The following JAZF1 variants were observed in gnomAD, a reference collection of about 807,000 sequenced individuals.
JAZF1 encodes juxtaposed with another zinc finger protein 1.
JAZF1 carries 8 observed loss-of-function variants against 26.4 expected under a neutral mutation model. The observed-to-expected ratio is 0.30, with a 90% CI of 0.18 to 0.55. The LOEUF is 0.55. JAZF1 is among the 20% of genes least tolerant of loss of function. The pLI is 0.94. For synonymous variants in JAZF1, 126 were observed against 122.3 expected (o/e 1.03, Z -0.20); for missense variants, 199 against 322.0 (o/e 0.62, Z 2.92).
chr7:28,124,905 G>A (rs1562595704), intron 1 of JAZF1, among the ~76,000 whole-genome samples: 1 of 152,150 alleles, frequency 6.6e-6, no homozygotes, highest in Non-Finnish European at 1.5e-5. Context: ...CATTACAGTA[G>A]CTAAAAAATA....
At chr7:27,914,426 G>A (rs1436582207) in intron 2 of JAZF1, among the ~76,000 whole-genome samples, 1 of 152,156 alleles carries the variant, frequency 6.6e-6, no homozygotes, top group African/African-American at 2.4e-5. Context: ...TGTATGGTTG[G>A]GCCGGGGGCT....
chr7:28,016,576 G>A (rs1239882423), intron 1 of JAZF1, among the ~76,000 whole-genome samples: 1 of 152,154 alleles, frequency 6.6e-6, no homozygotes, highest in African/African-American at 2.4e-5. Flanking sequence ...GGCATTGTTT[G>A]TGAGTTCAAG....
chr7:27,835,510 T>C (rs1050296706), intron 4 of JAZF1, among the ~76,000 whole-genome samples: 8 of 152,182 alleles, frequency 5.3e-5, no homozygotes. Flanking sequence ...ATCAGCTTTA[T>C]GACTCTGGAA....
intron 3 of JAZF1, among the ~76,000 whole-genome samples, chr7:27,880,465 T>A (rs1350318021): frequency 1.3e-5 from 2 of 152,010 alleles, no homozygotes; most frequent in Non-Finnish European, 2.9e-5. Flanking sequence ...AAACCGTGTC[T>A]CTACTAAAAA....
At chr7:28,148,473 C>T (rs1193268558) in intron 1 of JAZF1, among the ~76,000 whole-genome samples, 5 of 152,210 alleles carry the variant, frequency 3.3e-5, no homozygotes, top group Non-Finnish European at 5.9e-5. Flanking sequence ...CATCATTACT[C>T]ACTTAGGATA....
chr7:27,984,849 G>C lies in JAZF1; in HGVS notation c.188+7060C>G, dbSNP rs185790214. ...GAAACTGAACAATCTGCTCCTAAAT[G>C]ACTACTGGGTACACAACAAAATGAA... On this transcript the variant is annotated intron_variant, in intron 2 of 4. Transcript: ENST00000283928. Among the ~76,000 whole-genome samples, 105 of 152,284 alleles carry C rather than the reference G, an allele frequency of 6.9e-4. 1 individual carries two copies. The highest frequency in any genetic ancestry group is 3.4e-3 in the Middle Eastern group (1 of 294).
intron 2 of JAZF1, among the ~76,000 whole-genome samples, chr7:27,918,824 A>AG (rs1455918340): frequency 6.6e-6 from 1 of 151,994 alleles, no homozygotes; most frequent in Admixed American, 6.5e-5. Flanking sequence ...TGGTGATAAG[A>AG]GAAAAAAAAA....
chr7:27,841,070 G>C (rs1782914599), intron 3 of JAZF1: 2 of 549,912 alleles, frequency 3.6e-6, no homozygotes, highest in East Asian at 6.0e-5. Context: ...CCACCTAAGA[G>C]ACCAGGGCAA....
At chr7:28,117,316 G>A (rs1784762685) in intron 1 of JAZF1, among the ~76,000 whole-genome samples, 1 of 152,050 alleles carries the variant, frequency 6.6e-6, no homozygotes, top group Non-Finnish European at 1.5e-5. Flanking sequence ...ATAAAGGAAT[G>A]TCTTCCAGTT....
intron 2 of JAZF1, among the ~76,000 whole-genome samples, chr7:27,906,269 C>T (rs1179341409): frequency 6.6e-6 from 1 of 152,130 alleles, no homozygotes; most frequent in Admixed American, 6.5e-5. Flanking sequence ...CGTTCCCTGG[C>T]CCCACATGCC....
intron 1 of JAZF1, among the ~76,000 whole-genome samples, chr7:28,106,096 C>T (rs563398625): frequency 2.8e-4 from 43 of 152,288 alleles, no homozygotes; most frequent in African/African-American, 9.4e-4. Flanking sequence ...ACTGTGAATG[C>T]TGTCTTACAG....
intron 2 of JAZF1, among the ~76,000 whole-genome samples, chr7:27,949,311 C>A (rs573023646): frequency 8.1e-4 from 124 of 152,288 alleles, no homozygotes; most frequent in African/African-American, 3.0e-3. Flanking sequence ...TGACCTCCAC[C>A]AGCCTTTCTA....
intron 1 of JAZF1, among the ~76,000 whole-genome samples, chr7:28,090,843 G>A (rs1267005478): frequency 2.4e-5 from 3 of 126,610 alleles, no homozygotes; most frequent in Admixed American, 1.9e-4. Flanking sequence ...TTTTTGAGAC[G>A]GAGTCTCGCT....
At chr7:28,118,793 A>ACAC (rs1784791471) in intron 1 of JAZF1, among the ~76,000 whole-genome samples, 3 of 128,972 alleles carry the variant, frequency 2.3e-5, no homozygotes, top group South Asian at 2.6e-4. Context: ...CACACACACA[A>ACAC]CACACACACA....
intron 2 of JAZF1, among the ~76,000 whole-genome samples, chr7:27,952,256 G>A (rs891651571): frequency 1.3e-5 from 2 of 152,208 alleles, no homozygotes; most frequent in Non-Finnish European, 2.9e-5. Flanking sequence ...AAGGGGTAAT[G>A]AACCCTAAGA....
At chr7:27,930,228 C>T (rs566116792) in intron 2 of JAZF1, among the ~76,000 whole-genome samples, 5 of 152,278 alleles carry the variant, frequency 3.3e-5, no homozygotes, top group East Asian at 3.9e-4. Flanking sequence ...ATCTCCTGAC[C>T]TCATGATCCG....
chr7:27,899,984 T>A (rs929666918), intron 2 of JAZF1, among the ~76,000 whole-genome samples: 1 of 152,136 alleles, frequency 6.6e-6, no homozygotes, highest in Non-Finnish European at 1.5e-5. Context: ...ATGGGGGCAG[T>A]GGGCAGCTGG....
At chr7:28,164,239 A>T (rs1219187565) in intron 1 of JAZF1, among the ~76,000 whole-genome samples, 1 of 152,232 alleles carries the variant, frequency 6.6e-6, no homozygotes, top group Non-Finnish European at 1.5e-5. Flanking sequence ...TGCAGACCAG[A>T]TAGCATTAAT....
chr7:27,855,720 A>G (rs868557717), intron 3 of JAZF1, among the ~76,000 whole-genome samples: 1 of 152,238 alleles, frequency 6.6e-6, no homozygotes, highest in African/African-American at 2.4e-5. Context: ...GAGAGTAATT[A>G]ATAGCCTACC....
Sources: allele counts gnomAD v4.1 joint callset (sites outside exome capture counted in the v4.1 genomes callset), GRCh38; gene constraint gnomAD v4.1.1; transcripts MANE v1.5; gene names NCBI Gene and HGNC (gene_info 2026-07-23, HGNC 2026-07-21).